Variants in PTCHD4 observed in about 807,000 individuals in gnomAD.
PTCHD4 encodes patched domain-containing protein 4.
Under a neutral mutation model 58.1 loss-of-function variants are expected in PTCHD4, and 33 were observed. The ratio of observed to expected loss-of-function variants is 0.57; its 90% CI spans 0.43 to 0.76. The LOEUF (loss-of-function observed/expected upper bound fraction) is 0.76. Among genes scored for constraint, PTCHD4 ranks in the 30% least tolerant of loss-of-function variants. The pLI, the probability that PTCHD4 is intolerant of heterozygous loss-of-function variation, is 0.00. For synonymous variants in PTCHD4, 478 were observed against 409.6 expected (o/e 1.17, Z -2.02); for missense variants, 1,058 against 1,027.1 (o/e 1.03, Z -0.41).
chr6:47,932,326 G>T lies in PTCHD4; in HGVS notation c.899-52390C>A, dbSNP rs186883490. ...CATTTAAAAAGTGAGTTCAGAGGAG[G>T]CTGACTCAAGTTCAGACAAAGGAAA... On this transcript the variant is annotated intron_variant, in intron 4 of 4. Transcript: ENST00000339488. Among the ~76,000 whole-genome samples the T allele has an allele frequency of 1.1e-4, 16 of 152,302 alleles. No homozygotes were observed. The East Asian group carries it at 2.7e-3, about 26-fold the overall frequency.
intron 4 of PTCHD4, among the ~76,000 whole-genome samples, chr6:47,997,312 A>G (rs939037843): frequency 6.6e-6 from 1 of 152,062 alleles, no homozygotes; most frequent in Non-Finnish European, 1.5e-5. Flanking sequence ...TTCTGGTAAA[A>G]TTATCTAATT....
chr6:48,105,484 A>G (rs903786565), intron 1 of PTCHD4, among the ~76,000 whole-genome samples: 2 of 152,252 alleles, frequency 1.3e-5, no homozygotes, highest in East Asian at 1.9e-4. Flanking sequence ...CTAAATACCC[A>G]CAAGAGAAAG....
intron 1 of PTCHD4, among the ~76,000 whole-genome samples, chr6:48,109,628 T>G (rs533903701): frequency 4.8e-4 from 73 of 152,102 alleles, no homozygotes; most frequent in African/African-American, 1.5e-3. Flanking sequence ...GCCTACAAAT[T>G]GGGAGAAAAT....
Position 48,068,273 on chromosome 6 carries a change from G to T in PTCHD4, c.374C>A (p.Ala125Asp). Residue 125 changes from alanine (A) to aspartate (D), a missense_variant, in exon 3 of 5, where the codon GCT becomes GAT. Transcript: ENST00000339488. The surrounding 1 kb of genome is among the most constrained non-coding windows in gnomAD (Gnocchi z 4.2). Reference sequence around the variant, plus strand: ...TCGGTGGGTCTGCAGGATCCCCTCAGCCTGGAGCAAAATATTGTCCCCGGT... The same window carrying T: ...TCGGTGGGTCTGCAGGATCCCCTCATCCTGGAGCAAAATATTGTCCCCGGT... ...SPTGDNILLQ[A>D]EGILQTHRAV... The T allele has an allele frequency of 6.2e-7, 1 of 1,606,494 alleles. No homozygotes were observed. The highest frequency in any genetic ancestry group is 8.5e-7 in the Non-Finnish European group (1 of 1,174,570).
rs1218654086 is a variant in PTCHD4 at position 47,875,183 on chromosome 6, C to G, written c.*3120G>C. Among the ~76,000 whole-genome samples the G allele has an allele frequency of 1.3e-5, 2 of 151,828 alleles. No homozygotes were observed. The highest frequency in any genetic ancestry group is 1.3e-4 in the Admixed American group (2 of 15,206). ...ATATTTCCCACAAATTTCTTCTCTT[C>G]TAGGAGTTGATTGGTCATCTGCTGA... is the stretch of plus-strand genomic sequence containing the variant. On this transcript the variant is annotated 3_prime_UTR_variant, in exon 5 of 5. Coordinates refer to ENST00000339488, the MANE Select transcript of PTCHD4 (RefSeq NM_001384253.1).
chr6:47,949,501 G>A (rs1766550851), intron 4 of PTCHD4, among the ~76,000 whole-genome samples: 1 of 152,150 alleles, frequency 6.6e-6, no homozygotes, highest in Admixed American at 6.6e-5. Context: ...GGCAGGAAAT[G>A]CAAAGCCACA....
At position 47,862,790 on chromosome 6, in the gene PTCHD4, T is replaced by C. The variant is rs745870310; in HGVS notation, c.*15513A>G. The stretch of plus-strand genomic sequence containing the variant: ...CCCATTAATACTGTTTCCTTTGGAA[T>C]TGTAATACTCATCTGCTCTTCAGTA... On this transcript the variant is annotated 3_prime_UTR_variant, in exon 5 of 5. Coordinates refer to ENST00000339488, the MANE Select transcript of PTCHD4 (RefSeq NM_001384253.1). Among the ~76,000 whole-genome samples, 2 of 151,880 alleles carry C rather than the reference T, an allele frequency of 1.3e-5. No individual in the cohort carries two copies. The highest frequency in any genetic ancestry group is 4.8e-5 in the African/African-American group (2 of 41,424).
At position 47,888,675 on chromosome 6, in the gene PTCHD4, A is replaced by G. The variant is rs531856808; in HGVS notation, c.899-8739T>C. Among the ~76,000 whole-genome samples, 7 of 151,996 alleles carry G rather than the reference A, an allele frequency of 4.6e-5. No individual in the cohort carries two copies. In the South Asian group the frequency reaches 1.5e-3, roughly 32 times the overall value. On this transcript the variant is annotated intron_variant, in intron 4 of 4. Transcript: ENST00000339488. Reference sequence around the variant, plus strand: ...TTTGTTTTTGTTTTATTATTATTATACTTTAAGTTTTAGGGTACATGTGCA... The same window carrying G: ...TTTGTTTTTGTTTTATTATTATTATGCTTTAAGTTTTAGGGTACATGTGCA...
intron 3 of PTCHD4, among the ~76,000 whole-genome samples, chr6:48,067,212 C>T (rs931458510): frequency 1.3e-5 from 2 of 152,174 alleles, no homozygotes. Flanking sequence ...TGCCTCATTG[C>T]CTGCAGCAGC....
At position 47,859,140 on chromosome 6, in the gene PTCHD4, G is replaced by A. The variant is rs1269102146; in HGVS notation, c.*19163C>T. Among the ~76,000 whole-genome samples, 1 of 152,008 alleles carries A rather than the reference G, an allele frequency of 6.6e-6. No homozygotes were observed. The highest frequency in any genetic ancestry group is 2.4e-5 in the African/African-American group (1 of 41,422). On this transcript the variant is annotated 3_prime_UTR_variant, in exon 5 of 5. Transcript: ENST00000339488. ...TTGTGTGCATACTCTTACAATTCCAGCTGAAAATGGCTTGGGGCAGTATCT... is the reference window on the plus strand; with the variant it reads ...TTGTGTGCATACTCTTACAATTCCAACTGAAAATGGCTTGGGGCAGTATCT...
intron 4 of PTCHD4, among the ~76,000 whole-genome samples, chr6:47,932,303 T>C (rs1352182846): frequency 6.6e-6 from 1 of 152,126 alleles, no homozygotes. Context: ...GTGTAAGGCA[T>C]TTAAAAAGTG....
chr6:47,886,663 C>G (rs1358873379), intron 4 of PTCHD4, among the ~76,000 whole-genome samples: 1 of 152,142 alleles, frequency 6.6e-6, no homozygotes, highest in South Asian at 2.1e-4. Context: ...AATAAAACCA[C>G]AATCAACTGA....
At chr6:47,897,905 C>T (rs1478770540) in intron 4 of PTCHD4, among the ~76,000 whole-genome samples, 3 of 145,308 alleles carry the variant, frequency 2.1e-5, no homozygotes, top group Non-Finnish European at 4.6e-5. Context: ...TATTCTATAT[C>T]TGTTATCATT....
intron 4 of PTCHD4, among the ~76,000 whole-genome samples, chr6:47,903,754 GACAA>G (rs1764788986): frequency 6.6e-6 from 1 of 152,114 alleles, no homozygotes; most frequent in Non-Finnish European, 1.5e-5. Context: ...TAGTGAAAAA[GACAA>G]ACAATAAATA....
intron 1 of PTCHD4, among the ~76,000 whole-genome samples, chr6:48,080,547 C>A (rs1483075822): frequency 2.0e-5 from 3 of 152,186 alleles, no homozygotes; most frequent in African/African-American, 7.2e-5. Flanking sequence ...AGACTGTAGG[C>A]TTCCTGGGGG....
At chr6:48,059,617 G>A (rs1374596739) in intron 3 of PTCHD4, among the ~76,000 whole-genome samples, 4 of 151,358 alleles carry the variant, frequency 2.6e-5, no homozygotes, top group East Asian at 1.9e-4. Flanking sequence ...CAGTCTGGGC[G>A]ACAGAGTGAG....
chr6:47,936,288 A>G (rs1765997305), intron 4 of PTCHD4, among the ~76,000 whole-genome samples: 1 of 152,240 alleles, frequency 6.6e-6, no homozygotes, highest in African/African-American at 2.4e-5. Context: ...TTTGATACAT[A>G]GAGGATGATT....
chr6:47,870,131 A>G lies in PTCHD4; in HGVS notation c.*8172T>C, dbSNP rs1354831889. On this transcript the variant is annotated 3_prime_UTR_variant, in exon 5 of 5. Coordinates refer to ENST00000339488, the MANE Select transcript of PTCHD4 (RefSeq NM_001384253.1). ...ATGGAACTAGATTTCTTTTGTTGTTAAAATAAAAAGTTGAGATAGCCAGAA... is the reference window on the plus strand; with the variant it reads ...ATGGAACTAGATTTCTTTTGTTGTTGAAATAAAAAGTTGAGATAGCCAGAA... Among the ~76,000 whole-genome samples the G allele has an allele frequency of 1.3e-5, 2 of 151,692 alleles. No homozygotes were observed. The highest frequency in any genetic ancestry group is 2.4e-5 in the African/African-American group (1 of 41,386).
intron 1 of PTCHD4, among the ~76,000 whole-genome samples, chr6:48,107,516 A>T (rs1166186544): frequency 5.3e-5 from 8 of 152,126 alleles, no homozygotes; most frequent in Admixed American, 3.9e-4. Context: ...AACCTAGGCA[A>T]TACCATTCAG....
Sources: allele counts gnomAD v4.1 joint callset (sites outside exome capture counted in the v4.1 genomes callset), GRCh38; gene constraint gnomAD v4.1.1; non-coding constraint Gnocchi (gnomAD v3.1); transcripts MANE v1.5; gene names NCBI Gene and HGNC (gene_info 2026-07-23, HGNC 2026-07-21).